The following RPH3A variants were observed in gnomAD, a reference collection of about 807,000 sequenced individuals.
The protein encoded by RPH3A is rabphilin 3A, also known as rabphilin-3A.
In RPH3A, 48 loss-of-function variants were observed where a neutral mutation model predicts 102.2. The observed-to-expected ratio is 0.47, with a 90% CI of 0.37 to 0.60. The LOEUF (loss-of-function observed/expected upper bound fraction) is 0.60, where lower values mean the gene tolerates loss of function less well. Among genes scored for constraint, RPH3A ranks in the 20% least tolerant of loss-of-function variants. The pLI, the probability that RPH3A is intolerant of heterozygous loss-of-function variation, is 0.00. For synonymous variants in RPH3A, 310 were observed against 324.3 expected (o/e 0.96, Z 0.47); for missense variants, 781 against 910.1 (o/e 0.86, Z 1.83).
At chr12:112,816,224 C>A (rs1021806220) in intron 2 of RPH3A, among the ~76,000 whole-genome samples, 11 of 152,198 alleles carry the variant, frequency 7.2e-5, no homozygotes, top group Non-Finnish European at 1.6e-4. Context: ...CCCCTCCAGG[C>A]TTCAGTTTCC....
chr12:112,711,307 G>C lies in RPH3A; in HGVS notation c.-139-80836G>C, dbSNP rs574665449. 3.0e-4 allele frequency among the ~76,000 whole-genome samples: 46 copies of C among 152,066 alleles called. 2 individuals carry two copies. In the South Asian group the frequency reaches 9.4e-3, roughly 31 times the overall value. Reference sequence around the variant, plus strand: ...AAACTGCCCTATATAAGCATAGTTTGTTCACTTTGATCATTTGTGCTGCAA... The same window carrying C: ...AAACTGCCCTATATAAGCATAGTTTCTTCACTTTGATCATTTGTGCTGCAA... On this transcript the variant is annotated intron_variant, in intron 1 of 21. Coordinates refer to the RPH3A transcript ENST00000543106.
chr12:112,689,747 C>G (rs1212016706), intron 1 of RPH3A, among the ~76,000 whole-genome samples: 1 of 152,194 alleles, frequency 6.6e-6, no homozygotes, highest in African/African-American at 2.4e-5. Flanking sequence ...CTGGGCCATT[C>G]AAAGGCACTG....
At chr12:112,611,576 T>A (rs190924681) in intron 1 of RPH3A, among the ~76,000 whole-genome samples, 26 of 152,160 alleles carry the variant, frequency 1.7e-4, no homozygotes, top group Middle Eastern at 3.4e-3. Flanking sequence ...GTAGCTGAGA[T>A]TACAGGTGCG....
At chr12:112,646,732 T>C (rs1229987055) in intron 1 of RPH3A, among the ~76,000 whole-genome samples, 1 of 152,228 alleles carries the variant, frequency 6.6e-6, no homozygotes, top group Non-Finnish European at 1.5e-5. Context: ...TTAATTCCAC[T>C]TTTCAATACT....
intron 1 of RPH3A, among the ~76,000 whole-genome samples, chr12:112,700,906 A>T (rs921355331): frequency 2.0e-5 from 3 of 151,964 alleles, no homozygotes; most frequent in Non-Finnish European, 4.4e-5. Flanking sequence ...TGATCCCTTC[A>T]TCTCCATCCC....
At chr12:112,860,929 A>AT (rs1484851955) in intron 5 of RPH3A, among the ~76,000 whole-genome samples, 1 of 152,328 alleles carries the variant, frequency 6.6e-6, no homozygotes, top group East Asian at 1.9e-4. Flanking sequence ...GTCTCATAAA[A>AT]TTTTATAATT....
At chr12:112,692,710 G>A (rs1010382452) in intron 1 of RPH3A, among the ~76,000 whole-genome samples, 2 of 152,226 alleles carry the variant, frequency 1.3e-5, no homozygotes, top group Non-Finnish European at 1.5e-5. Context: ...GAATGGGAAG[G>A]TCAGTGATGT....
At chr12:112,804,285 A>G (rs115891628) in intron 2 of RPH3A, among the ~76,000 whole-genome samples, 1 of 152,178 alleles carries the variant, frequency 6.6e-6, no homozygotes, top group African/African-American at 2.4e-5. Context: ...ACAGGCTGGA[A>G]AAAAGCAGAT....
intron 1 of RPH3A, among the ~76,000 whole-genome samples, chr12:112,730,192 C>T (rs749212996): frequency 7.2e-5 from 11 of 152,186 alleles, no homozygotes; most frequent in Non-Finnish European, 1.5e-4. Flanking sequence ...TTCTAGCTTC[C>T]GACTGTGAGA....
intron 1 of RPH3A, among the ~76,000 whole-genome samples, chr12:112,732,952 G>A (rs1366899769): frequency 6.6e-6 from 1 of 152,186 alleles, no homozygotes; most frequent in Non-Finnish European, 1.5e-5. Flanking sequence ...TCTGTAAGAT[G>A]CAGACCACTG....
chr12:112,837,704 G>A (rs1228488982), intron 4 of RPH3A: 4 of 455,238 alleles, frequency 8.8e-6, no homozygotes, highest in African/African-American at 4.0e-5. Context: ...GGAGAGAGAT[G>A]CTGAGTCATT....
At chr12:112,588,580 G>A (rs554138842) in intron 1 of RPH3A, among the ~76,000 whole-genome samples, 2 of 152,308 alleles carry the variant, frequency 1.3e-5, no homozygotes, top group South Asian at 4.1e-4. Flanking sequence ...TGGAGACACA[G>A]CCAAATCATA....
intron 1 of RPH3A, among the ~76,000 whole-genome samples, chr12:112,739,689 C>G (rs562042114): frequency 6.6e-6 from 1 of 152,174 alleles, no homozygotes; most frequent in Non-Finnish European, 1.5e-5. Flanking sequence ...TTTATCTGTC[C>G]TCTGTTCTTT....
At chr12:112,835,913 C>T (rs2042041400) in intron 3 of RPH3A, among the ~76,000 whole-genome samples, 1 of 152,178 alleles carries the variant, frequency 6.6e-6, no homozygotes, top group African/African-American at 2.4e-5. Context: ...TGGTCTTTGA[C>T]AGTTGATACT....
intron 1 of RPH3A, among the ~76,000 whole-genome samples, chr12:112,767,729 T>C (rs1337481012): frequency 1.3e-5 from 2 of 152,058 alleles, no homozygotes; most frequent in South Asian, 2.1e-4. Flanking sequence ...AATAGTATCA[T>C]CCTCACAGGA....
rs946571665 is a variant in RPH3A, at chr12:112,896,925, G to A, written c.*145G>A. 1.5e-5 allele frequency: 12 copies of A among 796,330 alleles called. No individual in the cohort carries two copies. The highest frequency in any genetic ancestry group is 5.4e-5 in the South Asian group (3 of 55,170). The allele number at this position is 796,330 out of a possible 1,614,324, so 49.3% of individuals were successfully genotyped here. ...GAGCCTGCCTTTGAGCCCCCGTCAC[G>A]TTGGGCACTGCTGCCAAAGACTCCC... On this transcript the variant is annotated 3_prime_UTR_variant, in exon 22 of 22. Coordinates refer to ENST00000389385, the MANE Select transcript of RPH3A (RefSeq NM_001143854.2).
At chr12:112,872,052 A>G (rs1033903145) in intron 10 of RPH3A, among the ~76,000 whole-genome samples, 1 of 152,114 alleles carries the variant, frequency 6.6e-6, no homozygotes, top group African/African-American at 2.4e-5. Context: ...TTTTGAGTAT[A>G]TACCTATAAG....
At chr12:112,699,976 GT>G (rs1463200809) in intron 1 of RPH3A, among the ~76,000 whole-genome samples, 1 of 151,926 alleles carries the variant, frequency 6.6e-6, no homozygotes, top group African/African-American at 2.4e-5. Context: ...TTCAATAAAT[GT>G]TTGTTAAATA....
intron 2 of RPH3A, among the ~76,000 whole-genome samples, chr12:112,803,102 GT>G (rs2041385868): frequency 1.3e-5 from 2 of 152,100 alleles, no homozygotes; most frequent in Non-Finnish European, 2.9e-5. Flanking sequence ...GGGAGCCTTT[GT>G]CCCAATTGGT....
Sources: allele counts gnomAD v4.1 joint callset (sites outside exome capture counted in the v4.1 genomes callset), GRCh38; gene constraint gnomAD v4.1.1; transcripts MANE v1.5; gene names NCBI Gene and HGNC (gene_info 2026-07-23, HGNC 2026-07-21).